Variants in LRRC36 observed in about 807,000 individuals in gnomAD.
LRRC36 encodes leucine rich repeat containing 36, also known as leucine-rich repeat-containing protein 36.
Under a neutral mutation model 81.1 loss-of-function variants are expected in LRRC36, and 62 were observed. The observed-to-expected ratio is 0.76, with a 90% CI of 0.62 to 0.94. LRRC36 has a LOEUF of 0.94. Among genes scored for constraint, LRRC36 ranks in the 40% least tolerant of loss-of-function variants. LRRC36 has a pLI of 0.00. For synonymous variants in LRRC36, 334 were observed against 348.6 expected, an observed-to-expected ratio of 0.96 and a Z score of 0.47; for missense variants, 761 against 881.7, an observed-to-expected ratio of 0.86 and a Z score of 1.73.
chr16:67,350,351 C>A (rs2038569065), intron 5 of LRRC36, 61 bp downstream of exon 5: 1 of 1,312,426 alleles, frequency 7.6e-7, no homozygotes, highest in Non-Finnish European at 1.1e-6. Context: ...GCTGCCATAG[C>A]CAATATTGGG....
chr16:67,372,742 G>A (rs141463642), intron 9 of LRRC36, among the ~76,000 whole-genome samples: 6 of 152,090 alleles, frequency 3.9e-5, no homozygotes, highest in Non-Finnish European at 7.4e-5. Context: ...ACATTGGGGT[G>A]GGTTTACAGG....
intron 5 of LRRC36, among the ~76,000 whole-genome samples, chr16:67,352,805 G>A (rs1368290445): frequency 2.0e-5 from 3 of 151,806 alleles, no homozygotes; most frequent in Non-Finnish European, 4.4e-5. Flanking sequence ...ATCCTCCTGA[G>A]TAGCTGGGAC....
chr16:67,377,324 CTCTTT>C (rs576640108), intron 11 of LRRC36, among the ~76,000 whole-genome samples: 40 of 152,082 alleles, frequency 2.6e-4, no homozygotes, highest in Middle Eastern at 3.4e-3. Flanking sequence ...GTTCCCTTTT[CTCTTT>C]TCTTTTCTTT....
chr16:67,380,581 C>T (rs2040069890), intron 12 of LRRC36, among the ~76,000 whole-genome samples: 1 of 152,146 alleles, frequency 6.6e-6, no homozygotes, highest in African/African-American at 2.4e-5. Context: ...ACTGAATTTC[C>T]ATTGTTAAAT....
chr16:67,330,844 G>A (rs759488948), intron 1 of LRRC36, among the ~76,000 whole-genome samples: 2 of 152,026 alleles, frequency 1.3e-5, no homozygotes, highest in African/African-American at 2.4e-5. Context: ...CAGCCTGGAC[G>A]AAAGACTGAG....
In LRRC36 at chr16:67,326,934, T is replaced by C; in HGVS notation, c.70+2T>C. ...GGGCGCTGACGCTGGAGCAGCCGGG[T>C]AGGGTCTGGCCGGGAGGGTGTGGAC... On this transcript the variant is annotated splice_donor_variant, in intron 1 of 13. Transcript: ENST00000329956. LOFTEE classifies it high-confidence loss of function. 6.7e-7 allele frequency: 1 copy of C among 1,496,248 alleles called. No homozygotes were observed. Among genetic ancestry groups the C allele is most frequent in the Non-Finnish European group, 8.8e-7 (1 of 1,134,094 alleles). 92.7% of individuals were successfully genotyped at this position (1,496,248 alleles called of 1,614,324 possible). A position where few individuals can be genotyped will look rare whatever the true frequency, so the allele number is the denominator to read the frequency against.
Position 67,366,551 on chromosome 16 carries a change from A to T in LRRC36, c.755-466A>T, listed in dbSNP as rs2039398214. ...GATCACTTGAGGTCAGGAGTTGGAG[A>T]CCAGCCTGGCCAACACGGTGAAACC... is the stretch of plus-strand genomic sequence containing the variant. On this transcript the variant is annotated intron_variant, in intron 7 of 13. Coordinates refer to ENST00000329956, the MANE Select transcript of LRRC36 (RefSeq NM_018296.6). Among the ~76,000 whole-genome samples, 3 of 152,030 alleles carry T rather than the reference A, an allele frequency of 2.0e-5. No individual in the cohort carries two copies. In the South Asian group the frequency reaches 6.2e-4, roughly 32 times the overall value.
intron 5 of LRRC36, among the ~76,000 whole-genome samples, chr16:67,360,576 G>A (rs77191675): frequency 3.0e-3 from 458 of 152,348 alleles, no homozygotes; most frequent in Non-Finnish European, 5.0e-3. Context: ...CTACTGCAGT[G>A]AGAACAGGAC....
chr16:67,379,134 T>C lies in LRRC36; in HGVS notation c.1930+422T>C, dbSNP rs115265065. On this transcript the variant is annotated intron_variant, in intron 12 of 13. Transcript: ENST00000329956. ...TATATTTTTAACTCCAAATTTACAA[T>C]TGTGGCTGGGCAGGTGCAGTGGCTC... 2.9e-3 allele frequency among the ~76,000 whole-genome samples: 447 copies of C among 152,316 alleles called. 1 individual carries two copies. Among genetic ancestry groups the C allele is most frequent in the African/African-American group, 0.01 (426 of 41,568 alleles).
rs944622098 is a variant in LRRC36, at chr16:67,349,957, C to T, written c.489-245C>T. ...TGTATTTTTAGTAGAGACAGGGTTT[C>T]GCCATGTTGGCCAGGCTGGTCTTGA... On this transcript the variant is annotated intron_variant, in intron 4 of 13. Coordinates refer to ENST00000329956, the MANE Select transcript of LRRC36 (RefSeq NM_018296.6). 5.9e-5 allele frequency among the ~76,000 whole-genome samples: 9 copies of T among 152,222 alleles called. No individual in the cohort carries two copies. The South Asian group carries it at 8.3e-4, about 14-fold the overall frequency.
intron 5 of LRRC36, among the ~76,000 whole-genome samples, chr16:67,358,780 T>C (rs1347891305): frequency 6.6e-6 from 1 of 152,066 alleles, no homozygotes; most frequent in Non-Finnish European, 1.5e-5. Flanking sequence ...CAAAAGCACA[T>C]GAAAGATGCT....
At chr16:67,372,016 A>G (rs904322628) in intron 9 of LRRC36, 26 of 152,404 alleles carry the variant, frequency 1.7e-4, no homozygotes, top group African/African-American at 6.3e-4. Context: ...TGATTTAAAA[A>G]TCAAGAACCA....
intron 9 of LRRC36, chr16:67,371,532 A>G (rs920793904): frequency 2.4e-6 from 1 of 422,222 alleles, no homozygotes; most frequent in African/African-American, 2.0e-5. Flanking sequence ...CAGTCTCATC[A>G]TATTTACACA....
intron 7 of LRRC36, among the ~76,000 whole-genome samples, chr16:67,366,618 C>G (rs2039402260): frequency 6.6e-6 from 1 of 152,044 alleles, no homozygotes; most frequent in Admixed American, 6.5e-5. Flanking sequence ...GGCATGGTGG[C>G]ATGTGCCTGT....
At chr16:67,365,020 T>A (rs1412172326) in intron 6 of LRRC36, 1 of 309,636 alleles carries the variant, frequency 3.2e-6, no homozygotes, top group Non-Finnish European at 5.9e-6. Flanking sequence ...AGCTGGAAAG[T>A]GGCCCTCATC....
chr16:67,354,371 G>A (rs1056040009), intron 5 of LRRC36, among the ~76,000 whole-genome samples: 7 of 151,940 alleles, frequency 4.6e-5, no homozygotes, highest in African/African-American at 1.5e-4. Context: ...TCCACCTCCC[G>A]GGTTCAAGTG....
chr16:67,376,881 C>T lies in LRRC36; in HGVS notation c.1806+9C>T. On this transcript the variant is annotated intron_variant, in intron 11 of 13. Coordinates refer to ENST00000329956, the MANE Select transcript of LRRC36 (RefSeq NM_018296.6). ...TGGTCCCTAATGACATGGTATGCCC[C>T]TCTCATCTCCCTTTAGAAAAGGACA... 1 of 1,602,372 alleles carries T rather than the reference C, an allele frequency of 6.2e-7. No homozygotes were observed. The highest frequency in any genetic ancestry group is 8.5e-7 in the Non-Finnish European group (1 of 1,171,308).
chr16:67,354,603 T>G (rs2142052921), intron 5 of LRRC36, among the ~76,000 whole-genome samples: 1 of 152,198 alleles, frequency 6.6e-6, no homozygotes. Context: ...AAAACATATT[T>G]TATTTTTTAG....
intron 5 of LRRC36, among the ~76,000 whole-genome samples, chr16:67,361,644 C>A (rs1444540820): frequency 6.6e-6 from 1 of 152,206 alleles, no homozygotes; most frequent in Admixed American, 6.5e-5. Context: ...GCGATCTCAG[C>A]TCACAGCAAC....
Sources: allele counts gnomAD v4.1 joint callset (sites outside exome capture counted in the v4.1 genomes callset), GRCh38; gene constraint gnomAD v4.1.1; transcripts MANE v1.5; gene names NCBI Gene and HGNC (gene_info 2026-07-23, HGNC 2026-07-21).